ARHGAP44: variants seen among roughly 807,000 people sequenced by gnomAD.
ARHGAP44 encodes Rho GTPase activating protein 44, also known as rho GTPase-activating protein 44.
ARHGAP44 carries 43 observed loss-of-function variants against 106.8 expected under a neutral mutation model. The ratio of observed to expected loss-of-function variants is 0.40; its 90% CI spans 0.32 to 0.52. The LOEUF is 0.52. ARHGAP44 is among the 20% of genes least tolerant of loss of function. The pLI, the probability that ARHGAP44 is intolerant of heterozygous loss-of-function variation, is 0.48. For missense variants in ARHGAP44, 866 were observed against 1,050.5 expected, an observed-to-expected ratio of 0.82 and a Z score of 2.43; for synonymous variants, 439 against 410.3, an observed-to-expected ratio of 1.07 and a Z score of -0.85.
rs189794286 is a variant in ARHGAP44 at position 12,948,629 on chromosome 17, C to T, written c.862-511C>T. Among the ~76,000 whole-genome samples the T allele has an allele frequency of 3.7e-4, 57 of 152,012 alleles. No individual in the cohort carries two copies. The East Asian group carries it at 9.9e-3, about 26-fold the overall frequency. On this transcript the variant is annotated intron_variant, in intron 10 of 20. Transcript: ENST00000379672. Reference sequence around the variant, plus strand: ...AGGTTGCACTGAGTCAAGATCGGGCCGCTGCACTCCAGCCCAGGCAACCGA... The same window carrying T: ...AGGTTGCACTGAGTCAAGATCGGGCTGCTGCACTCCAGCCCAGGCAACCGA...
At chr17:12,940,149 A>G (rs4545859) in intron 7 of ARHGAP44, among the ~76,000 whole-genome samples, 36,003 of 152,070 alleles carry the variant, frequency 0.24, 5,219 homozygotes, top group Non-Finnish European at 0.33. Flanking sequence ...TGCTGTTGCC[A>G]TGTTTGCCCC....
rs553790629 is a variant in ARHGAP44 at position 12,798,409 on chromosome 17, A to G, written c.53+8518A>G. The stretch of plus-strand genomic sequence containing the variant: ...ATTTGATTTATCATGGCATTTGCAG[A>G]TAATCACAATGTGTTTTTTTCTTTG... On this transcript the variant is annotated intron_variant, in intron 1 of 20. Transcript: ENST00000379672. Among the ~76,000 whole-genome samples the G allele has an allele frequency of 8.5e-5, 13 of 152,278 alleles. 1 individual carries two copies. The highest frequency in any genetic ancestry group is 2.9e-4 in the African/African-American group (12 of 41,566).
intron 1 of ARHGAP44, among the ~76,000 whole-genome samples, chr17:12,842,085 C>T (rs556089901): frequency 1.3e-5 from 2 of 151,662 alleles, no homozygotes; most frequent in Admixed American, 6.6e-5. Context: ...ACATGAGAAT[C>T]GCTTGGACCC....
At chr17:12,924,878 C>G (rs2038188593) in intron 6 of ARHGAP44, among the ~76,000 whole-genome samples, 1 of 152,114 alleles carries the variant, frequency 6.6e-6, no homozygotes, top group African/African-American at 2.4e-5. Context: ...TTTAAGCCAC[C>G]CAGTCTGTGG....
chr17:12,982,373 TC>T (rs1417944693), intron 19 of ARHGAP44, among the ~76,000 whole-genome samples: 7 of 151,710 alleles, frequency 4.6e-5, no homozygotes, highest in Non-Finnish European at 8.8e-5. Context: ...CAATTTCACA[TC>T]CTATTCCTGT....
intron 5 of ARHGAP44, among the ~76,000 whole-genome samples, chr17:12,918,321 T>C (rs1261081663): frequency 6.6e-6 from 1 of 152,162 alleles, no homozygotes; most frequent in Non-Finnish European, 1.5e-5. Context: ...GGAGAGTGAA[T>C]AGAAAGCACT....
chr17:12,874,023 A>G (rs1265083298), intron 1 of ARHGAP44, among the ~76,000 whole-genome samples: 1 of 152,222 alleles, frequency 6.6e-6, no homozygotes, highest in Non-Finnish European at 1.5e-5. Context: ...TCTGTTGAAA[A>G]TAAGTCCAGG....
chr17:12,926,834 TTTCTTCAGGTAGC>T (rs2038261838), intron 6 of ARHGAP44, among the ~76,000 whole-genome samples: 1 of 152,136 alleles, frequency 6.6e-6, no homozygotes, highest in South Asian at 2.1e-4. Context: ...TTAGTTATTT[TTTCTTCAGGTAGC>T]ATGAGTCAGA....
chr17:12,915,831 G>A, intron 4 of ARHGAP44, 69 bp from the exon 5 acceptor site: 1 of 1,360,166 alleles, frequency 7.4e-7, no homozygotes, highest in East Asian at 2.4e-5. Context: ...CAGGAGGTGA[G>A]GGGAGGGTAA....
In ARHGAP44 at chr17:12,984,639, C is replaced by T. The variant is rs372130585; in HGVS notation, c.2048C>T (p.Pro683Leu). 46 of 1,612,488 alleles carry T rather than the reference C, an allele frequency of 2.9e-5. No individual in the cohort carries two copies. Among genetic ancestry groups the T allele is most frequent in the South Asian group, 3.3e-5 (3 of 91,030 alleles). ...TCCCCAGTCAGCCTGTCCCCCACCC[C>T]GCCCAGCACCCCGTCACCCTATGGA... ...QPSPVSLSPT[P>L]PSTPSPYGLS... Residue 683 changes from proline to leucine, a missense_variant, in exon 20 of 21, where the codon CCG becomes CTG. Coordinates refer to ENST00000379672, the MANE Select transcript of ARHGAP44 (RefSeq NM_014859.6).
At chr17:12,981,490 T>C (rs1300894697) in intron 19 of ARHGAP44, among the ~76,000 whole-genome samples, 1 of 151,660 alleles carries the variant, frequency 6.6e-6, no homozygotes, top group Non-Finnish European at 1.5e-5. Context: ...CTCCGCCTCC[T>C]GGGTTCAAGC....
intron 1 of ARHGAP44, among the ~76,000 whole-genome samples, chr17:12,802,212 G>A (rs187255288): frequency 1.3e-5 from 2 of 152,292 alleles, no homozygotes; most frequent in African/African-American, 4.8e-5. Flanking sequence ...AAATTTGCTG[G>A]TTCCCCCATA....
At chr17:12,896,282 A>T in intron 2 of ARHGAP44, 125 bp from the exon 3 acceptor site, 1 of 734,788 alleles carries the variant, frequency 1.4e-6, no homozygotes, top group East Asian at 2.7e-5. Context: ...AAACAAAAAA[A>T]CAAAGCTGTC....
chr17:12,912,817 G>A (rs2037779822), intron 4 of ARHGAP44, among the ~76,000 whole-genome samples: 1 of 152,164 alleles, frequency 6.6e-6, no homozygotes, highest in African/African-American at 2.4e-5. Flanking sequence ...TTCTGCCCAA[G>A]TTTCAATCAA....
At chr17:12,897,710 CTTTTTTTTT>C (rs71980749) in intron 3 of ARHGAP44, among the ~76,000 whole-genome samples, 2 of 108,952 alleles carry the variant, frequency 1.8e-5, no homozygotes, top group East Asian at 2.9e-4. Context: ...TGATCTGTGT[CTTTTTTTTT>C]TTTTTTTTTT....
chr17:12,890,082 C>T (rs2036996741), intron 1 of ARHGAP44, among the ~76,000 whole-genome samples: 1 of 152,108 alleles, frequency 6.6e-6, no homozygotes, highest in Non-Finnish European at 1.5e-5. Flanking sequence ...GCTGGTAGCT[C>T]TACAGTTCTG....
chr17:12,956,585 A>C (rs2039131697), intron 14 of ARHGAP44, 70 bp from the exon 15 acceptor site: 11 of 1,372,196 alleles, frequency 8.0e-6, no homozygotes, highest in Middle Eastern at 1.8e-4. Flanking sequence ...CTGCAGCCAG[A>C]GGACCATGGG....
At chr17:12,892,235 G>A (rs1235719132) in intron 1 of ARHGAP44, among the ~76,000 whole-genome samples, 2 of 152,168 alleles carry the variant, frequency 1.3e-5, no homozygotes, top group African/African-American at 4.8e-5. Context: ...TAGGTTGACA[G>A]TTTCTTTCTT....
chr17:12,973,060 A>G (rs751789101), intron 16 of ARHGAP44: 1 of 446,704 alleles, frequency 2.2e-6, no homozygotes, highest in Non-Finnish European at 3.9e-6. Context: ...ATGCCACACC[A>G]ATATCAACTC....
Sources: gnomAD v4.1 joint callset for allele counts (sites outside exome capture counted in the v4.1 genomes callset) on GRCh38, gnomAD v4.1.1 for gene constraint, MANE v1.5 for transcripts, NCBI Gene and HGNC (gene_info 2026-07-23, HGNC 2026-07-21) for gene names.